The following DSCAML1 variants were observed in gnomAD, a reference collection of about 807,000 sequenced individuals.
DSCAML1 encodes cell adhesion molecule DSCAML1.
In DSCAML1, 38 loss-of-function variants were observed where a neutral mutation model predicts 200.5. The observed-to-expected ratio is 0.19, with a 90% confidence interval of 0.15 to 0.25. The LOEUF is 0.25. DSCAML1 is among the 10% of genes least tolerant of loss of function. The pLI, the probability that DSCAML1 is intolerant of heterozygous loss-of-function variation, is 1.00. For synonymous variants in DSCAML1, 1,215 were observed against 1,165.0 expected, an observed-to-expected ratio of 1.04 and a Z score of -0.87; for missense variants, 2,223 against 2,858.8, an observed-to-expected ratio of 0.78 and a Z score of 5.07.
chr11:117,590,211 A>G (rs187529974), intron 3 of DSCAML1, among the ~76,000 whole-genome samples: 234 of 152,180 alleles, frequency 1.5e-3, no homozygotes, highest in Middle Eastern at 6.8e-3. Flanking sequence ...GATTTTTTAA[A>G]AGAGCCTTGC....
chr11:117,776,021 G>A (rs971001615), intron 3 of DSCAML1, among the ~76,000 whole-genome samples: 3 of 152,136 alleles, frequency 2.0e-5, no homozygotes, highest in East Asian at 1.9e-4. Context: ...TGCAATGTGC[G>A]GAGATGAAGA....
chr11:117,464,131 G>A lies in DSCAML1; in HGVS notation c.3265+811C>T, dbSNP rs529234482. Among the ~76,000 whole-genome samples, 23 of 152,300 alleles carry A rather than the reference G, an allele frequency of 1.5e-4. No homozygotes were observed. The South Asian group carries it at 3.7e-3, about 25-fold the overall frequency. ...TCCGGACTGTTGGTTTCGCTCTGTT[G>A]GGGCGGGGTGGGTAGGCTCTGACTC... On this transcript the variant is annotated intron_variant, in intron 17 of 32. Transcript: ENST00000651296.
intron 3 of DSCAML1, among the ~76,000 whole-genome samples, chr11:117,622,896 T>G (rs751565030): frequency 1.1e-4 from 17 of 152,224 alleles, no homozygotes; most frequent in Non-Finnish European, 2.4e-4. Context: ...TTATGTTTAC[T>G]GAGTCCATAC....
chr11:117,545,246 C>CACAAA (rs1565779430), intron 3 of DSCAML1, among the ~76,000 whole-genome samples: 1 of 134,518 alleles, frequency 7.4e-6, no homozygotes, highest in African/African-American at 3.0e-5. Context: ...CACACACACA[C>CACAAA]ACACACACAC....
intron 3 of DSCAML1, among the ~76,000 whole-genome samples, chr11:117,730,597 C>A (rs2054202210): frequency 6.6e-6 from 1 of 152,178 alleles, no homozygotes; most frequent in Non-Finnish European, 1.5e-5. Flanking sequence ...GACCCTTATA[C>A]CCTGCTGGTG....
chr11:117,751,120 G>C (rs1335221065), intron 3 of DSCAML1, among the ~76,000 whole-genome samples: 1 of 152,152 alleles, frequency 6.6e-6, no homozygotes, highest in Non-Finnish European at 1.5e-5. Flanking sequence ...TGTGTGCGCA[G>C]GCGTGTTGTT....
intron 3 of DSCAML1, among the ~76,000 whole-genome samples, chr11:117,694,015 G>A (rs982036995): frequency 4.0e-5 from 6 of 149,244 alleles, no homozygotes; most frequent in South Asian, 2.1e-4. Context: ...TTTGTGTAGC[G>A]GATAAGGGTT....
intron 3 of DSCAML1, among the ~76,000 whole-genome samples, chr11:117,535,819 A>C (rs1162532488): frequency 2.7e-5 from 4 of 147,244 alleles, no homozygotes; most frequent in Non-Finnish European, 5.9e-5. Flanking sequence ...AGCCCTGGAC[A>C]GCTAGGACCC....
At chr11:117,536,720 A>G (rs17120841) in intron 3 of DSCAML1, among the ~76,000 whole-genome samples, 2,380 of 152,230 alleles carry the variant, frequency 0.016, 38 homozygotes, top group East Asian at 0.079. Context: ...TGCCCTTGAC[A>G]TTGCTTGATT....
intron 11 of DSCAML1, among the ~76,000 whole-genome samples, chr11:117,485,353 C>T (rs1452957388): frequency 6.6e-6 from 1 of 152,224 alleles, no homozygotes. Flanking sequence ...AGACAGGGTC[C>T]CTTCACCCTT....
intron 3 of DSCAML1, among the ~76,000 whole-genome samples, chr11:117,641,236 C>T (rs657882): frequency 6.6e-6 from 1 of 152,022 alleles, no homozygotes; most frequent in Non-Finnish European, 1.5e-5. Context: ...TGACACAGAT[C>T]GCTGGGTGCC....
chr11:117,813,036 C>T (rs1447265989), intron 1 of DSCAML1, among the ~76,000 whole-genome samples: 4 of 152,276 alleles, frequency 2.6e-5, no homozygotes, highest in East Asian at 3.9e-4. Flanking sequence ...CACCTCTATA[C>T]AGTCTGATAA....
In DSCAML1 at chr11:117,543,727, T is replaced by A. The variant is rs559563326; in HGVS notation, c.512-11205A>T. Among the ~76,000 whole-genome samples the A allele has an allele frequency of 2.0e-3, 299 of 152,306 alleles. 2 individuals are homozygous for A. The highest frequency in any genetic ancestry group is 0.012 in the South Asian group (57 of 4,826). On this transcript the variant is annotated intron_variant, in intron 3 of 32. Transcript: ENST00000651296. ...CCCCGATTTTCTCTGTTCGTGGAGT[T>A]CTTCTGTGGTGTCCATGCAACAATA... is the stretch of plus-strand genomic sequence containing the variant.
At chr11:117,774,612 C>G (rs1026113286) in intron 3 of DSCAML1, among the ~76,000 whole-genome samples, 14 of 152,128 alleles carry the variant, frequency 9.2e-5, no homozygotes, top group Admixed American at 8.5e-4. Flanking sequence ...GCACTTGGTT[C>G]CATGAAGCCA....
intron 3 of DSCAML1, among the ~76,000 whole-genome samples, chr11:117,750,872 C>G (rs892286816): frequency 1.3e-5 from 2 of 152,192 alleles, no homozygotes; most frequent in Non-Finnish European, 2.9e-5. Context: ...GGGGCTTATG[C>G]TCTACAAATG....
intron 3 of DSCAML1, among the ~76,000 whole-genome samples, chr11:117,677,396 T>C (rs2053234007): frequency 6.6e-6 from 1 of 152,118 alleles, no homozygotes; most frequent in South Asian, 2.1e-4. Context: ...GAGTAGGGCA[T>C]TCTGTGGGTT....
chr11:117,733,169 T>C (rs2054255511), intron 3 of DSCAML1, among the ~76,000 whole-genome samples: 1 of 152,056 alleles, frequency 6.6e-6, no homozygotes, highest in Admixed American at 6.5e-5. Flanking sequence ...AAAGGGTTGG[T>C]GGCCCTGCAC....
intron 11 of DSCAML1, among the ~76,000 whole-genome samples, chr11:117,499,015 G>A (rs2049346956): frequency 6.6e-6 from 1 of 152,120 alleles, no homozygotes; most frequent in South Asian, 2.1e-4. Flanking sequence ...GGATGGCCGA[G>A]TCCCAGGAGG....
intron 26 of DSCAML1, among the ~76,000 whole-genome samples, chr11:117,436,069 C>T (rs2047909206): frequency 6.6e-6 from 1 of 152,216 alleles, no homozygotes; most frequent in Admixed American, 6.5e-5. Flanking sequence ...TGGAGTTAGT[C>T]TCTCGCCTGT....
Sources: allele counts gnomAD v4.1 joint callset (sites outside exome capture counted in the v4.1 genomes callset), GRCh38; gene constraint gnomAD v4.1.1; transcripts MANE v1.5; gene names NCBI Gene and HGNC (gene_info 2026-07-23, HGNC 2026-07-21).